ATG4A: variants seen among roughly 807,000 people sequenced by gnomAD.
ATG4A encodes the protein cysteine protease ATG4A.
Under a neutral mutation model 38.4 loss-of-function variants are expected in ATG4A, and 22 were observed. That is an observed-to-expected ratio of 0.57 (90% CI 0.41 to 0.82). ATG4A has a LOEUF of 0.82. ATG4A is among the 40% of genes least tolerant of loss of function. The pLI is 0.00. For missense variants in ATG4A, 220 were observed against 290.0 expected, an observed-to-expected ratio of 0.76 and a Z score of 1.75; for synonymous variants, 86 against 100.7, an observed-to-expected ratio of 0.85 and a Z score of 0.88.
chrX:108,150,358 A>C, intron 10 of ATG4A, 61 bp downstream of exon 10: 2 of 1,176,677 alleles, frequency 1.7e-6, no homozygotes, highest in Non-Finnish European at 2.3e-6. Flanking sequence ...GTTCCCTGGG[A>C]GTTATCCAGA....
chrX:108,116,075 G>A (rs1242103377), intron 1 of ATG4A, among the ~76,000 whole-genome samples: 1 of 111,344 alleles, frequency 9.0e-6, no homozygotes, highest in Non-Finnish European at 1.9e-5. Context: ...TTTTGGATGG[G>A]GTCAAATTGT....
At chrX:108,126,743 A>G in intron 2 of ATG4A, 5 of 980,653 alleles carry the variant, frequency 5.1e-6, no homozygotes, top group Non-Finnish European at 6.6e-6. Context: ...CACTGCAGCT[A>G]GATGGAAAGG....
chrX:108,122,028 C>G (rs187706961), intron 1 of ATG4A, among the ~76,000 whole-genome samples: 14 of 111,830 alleles, frequency 1.3e-4, no homozygotes, highest in African/African-American at 4.6e-4. Context: ...GGAGGTTATC[C>G]TATATCTCAG....
At chrX:108,089,201 A>G (rs1195898079), upstream of ATG4A, among the ~76,000 whole-genome samples, 1 of 112,336 alleles carries the variant, frequency 8.9e-6, no homozygotes, top group East Asian at 2.8e-4. Flanking sequence ...TTTTACATGT[A>G]TAGTATCATT....
At chrX:108,117,470 G>A (rs747361072) in intron 1 of ATG4A, among the ~76,000 whole-genome samples, 28 of 111,811 alleles carry the variant, frequency 2.5e-4, no homozygotes, top group Non-Finnish European at 5.3e-4. Context: ...CATTTGAGGT[G>A]GGATTTAAGG....
upstream of ATG4A, among the ~76,000 whole-genome samples, chrX:108,089,612 TC>T (rs1406380244): frequency 5.4e-5 from 6 of 111,579 alleles, no homozygotes; most frequent in Admixed American, 9.5e-5. Flanking sequence ...GGTGGGCAGA[TC>T]ACCCGAGGTC....
intron 1 of ATG4A, among the ~76,000 whole-genome samples, chrX:108,104,275 G>A (rs1412511473): frequency 8.9e-6 from 1 of 112,195 alleles, no homozygotes; most frequent in Non-Finnish European, 1.9e-5. Flanking sequence ...TTGCTGTTGA[G>A]CATCTTATTA....
At chrX:108,152,457 C>G (rs938105391) in intron 11 of ATG4A, among the ~76,000 whole-genome samples, 1 of 111,364 alleles carries the variant, frequency 9.0e-6, no homozygotes, top group Non-Finnish European at 1.9e-5. Flanking sequence ...TGGTCTTGAA[C>G]TGACCACAGG....
At chrX:108,091,696 C>G (rs747651572), upstream of ATG4A, 9 of 975,558 alleles carry the variant, frequency 9.2e-6, no homozygotes, top group Admixed American at 1.8e-4. Context: ...CAGTTCCGGG[C>G]AGGGAGGCGC....
At chrX:108,150,340 A>ACAGATTGGTTCCCTGGGAGTTATC (rs2033556522) in intron 10 of ATG4A, 43 bp downstream of exon 10, 2 of 1,202,949 alleles carry the variant, frequency 1.7e-6, no homozygotes, top group East Asian at 5.9e-5. Context: ...TACGATGTGT[A>ACAGATTGGTTCCCTGGGAGTTATC]CAGATTGGTT....
intron 9 of ATG4A, among the ~76,000 whole-genome samples, chrX:108,138,433 G>A (rs1399221467): frequency 8.9e-6 from 1 of 112,065 alleles, no homozygotes; most frequent in East Asian, 2.8e-4. Flanking sequence ...TGGTTCCATT[G>A]CTTTCCCACT....
intron 1 of ATG4A, among the ~76,000 whole-genome samples, chrX:108,116,255 T>C (rs910996734): frequency 3.6e-5 from 4 of 112,466 alleles, no homozygotes; most frequent in Non-Finnish European, 3.7e-5. Context: ...AGTATACTTT[T>C]ACATTACTTC....
At chrX:108,131,845 A>G in intron 4 of ATG4A, among the ~76,000 whole-genome samples, 1 of 111,527 alleles carries the variant, frequency 9.0e-6, no homozygotes, top group South Asian at 3.8e-4. Flanking sequence ...GAATCTTTAA[A>G]TTTGCTTCCT....
chrX:108,132,153 C>G (rs1443017491), intron 4 of ATG4A, among the ~76,000 whole-genome samples: 2 of 111,925 alleles, frequency 1.8e-5, no homozygotes, highest in Non-Finnish European at 3.8e-5. Context: ...CCCGCCTCGG[C>G]CTCCCAAAGT....
chrX:108,151,673 C>G, intron 10 of ATG4A, 129 bp from the exon 11 acceptor site: 1 of 573,162 alleles, frequency 1.7e-6, no homozygotes, highest in Non-Finnish European at 2.9e-6. Context: ...GAAGCCCAGG[C>G]AGTCTTCCTT....
At chrX:108,125,570 A>G (rs1474603038) in intron 1 of ATG4A, among the ~76,000 whole-genome samples, 1 of 112,492 alleles carries the variant, frequency 8.9e-6, no homozygotes, top group Non-Finnish European at 1.9e-5. Flanking sequence ...AAATACTGTG[A>G]AAACATCTGG....
rs768452103 is a variant in ATG4A, at chrX:108,137,260, T to C, written c.547+90T>C. The C allele has an allele frequency of 2.1e-5, 17 of 821,887 alleles. No individual in the cohort carries two copies. In the African/African-American group the frequency reaches 3.3e-4, roughly 16 times the overall value. The allele number at this position is 821,887 out of a possible 1,213,427, so 67.7% of individuals were successfully genotyped here. ...ATTCTGGGGCTCAAGAGAGTCTCTCTGGTCTTCCCCACCAGGGCAGGGGAG... is the reference window on the plus strand; with the variant it reads ...ATTCTGGGGCTCAAGAGAGTCTCTCCGGTCTTCCCCACCAGGGCAGGGGAG... On this transcript the variant is annotated intron_variant, in intron 7 of 12. Coordinates refer to ENST00000372232, the MANE Select transcript of ATG4A (RefSeq NM_052936.5).
At chrX:108,106,850 T>C (rs2032188817) in intron 1 of ATG4A, among the ~76,000 whole-genome samples, 1 of 111,933 alleles carries the variant, frequency 8.9e-6, no homozygotes. Flanking sequence ...AGTTTGATTA[T>C]GATATGTCTT....
chrX:108,091,712 C>CTTT (rs1177388457), upstream of ATG4A: 1 of 1,049,780 alleles, frequency 9.5e-7, no homozygotes, highest in East Asian at 3.0e-5. Flanking sequence ...GGCGCCTTTG[C>CTTT]TGCCCTCACA....
Sources: gnomAD v4.1 joint callset for allele counts (sites outside exome capture counted in the v4.1 genomes callset) on GRCh38, gnomAD v4.1.1 for gene constraint, MANE v1.5 for transcripts, NCBI Gene and HGNC (gene_info 2026-07-23, HGNC 2026-07-21) for gene names.